Variants in POFUT3 observed in about 807,000 individuals in gnomAD.
The protein encoded by POFUT3 is GDP-fucose protein O-fucosyltransferase 3.
At chr8:33,392,629 A>G in the POFUT3 span, among the ~76,000 whole-genome samples, 1 of 152,058 alleles carries the variant, frequency 6.6e-6, no homozygotes, top group African/African-American at 2.4e-5. Flanking sequence ...TTGCCCTGCA[A>G]GCATCTCTCC....
At chr8:33,356,153 G>A in the POFUT3 span, among the ~76,000 whole-genome samples, 1 of 152,280 alleles carries the variant, frequency 6.6e-6, no homozygotes, top group East Asian at 1.9e-4. Flanking sequence ...TGTCTTTATA[G>A]CAGCATGATC....
chr8:33,389,886 G>T, the POFUT3 span: 2 of 894,276 alleles, frequency 2.2e-6, no homozygotes, highest in Non-Finnish European at 3.5e-6. Context: ...ATACAGAGGA[G>T]TCTGAGGCTA....
chr8:33,449,971 T>C, the POFUT3 span, among the ~76,000 whole-genome samples: 2 of 131,114 alleles, frequency 1.5e-5, no homozygotes, highest in Non-Finnish European at 3.1e-5. Flanking sequence ...AGGGTCTCAC[T>C]CTGCCTCCCA....
chr8:33,332,486 A>G, the POFUT3 span, among the ~76,000 whole-genome samples: 1 of 150,336 alleles, frequency 6.7e-6, no homozygotes, highest in Non-Finnish European at 1.5e-5. Flanking sequence ...CTCTGTCTGA[A>G]AGAAAAAAAA....
chr8:33,318,537 A>C, the POFUT3 span, among the ~76,000 whole-genome samples: 1 of 117,634 alleles, frequency 8.5e-6, no homozygotes, highest in Non-Finnish European at 1.6e-5. Flanking sequence ...TCATAATATA[A>C]TTAGCTATTT....
chr8:33,453,119 A>G, the POFUT3 span: 7 of 1,227,692 alleles, frequency 5.7e-6, no homozygotes, highest in South Asian at 9.5e-5. Context: ...AAGTGTTTTC[A>G]AGGGGAGCTC....
chr8:33,435,389 T>C, the POFUT3 span, among the ~76,000 whole-genome samples: 40 of 152,178 alleles, frequency 2.6e-4, no homozygotes, highest in South Asian at 6.2e-4. Flanking sequence ...GGCTAATTTT[T>C]GTATTTTTAG....
At chr8:33,372,926 C>T in the POFUT3 span, 7 of 836,760 alleles carry the variant, frequency 8.4e-6, no homozygotes, top group Admixed American at 5.6e-5. Context: ...GGAAAGAAAG[C>T]ATCTCACATA....
chr8:33,446,802 A>C, the POFUT3 span, among the ~76,000 whole-genome samples: 2 of 152,180 alleles, frequency 1.3e-5, no homozygotes, highest in Admixed American at 1.3e-4. Flanking sequence ...CGGTTCATTA[A>C]AGTTTTACTG....
the POFUT3 span, among the ~76,000 whole-genome samples, chr8:33,332,005 T>C: frequency 2.0e-5 from 3 of 151,086 alleles, no homozygotes; most frequent in Non-Finnish European, 2.9e-5. Flanking sequence ...TAAGCAGGCA[T>C]GGTGGCACAC....
the POFUT3 span, among the ~76,000 whole-genome samples, chr8:33,405,402 T>C: frequency 5.3e-5 from 8 of 152,090 alleles, no homozygotes; most frequent in African/African-American, 1.4e-4. Context: ...TTTTAATTAC[T>C]TACGATGGTA....
chr8:33,373,779 G>A, the POFUT3 span, among the ~76,000 whole-genome samples: 1 of 152,114 alleles, frequency 6.6e-6, no homozygotes, highest in Admixed American at 6.5e-5. Flanking sequence ...ATTAAAATGA[G>A]AGTAAAAGGA....
the POFUT3 span, chr8:33,372,309 C>T: frequency 7.1e-4 from 835 of 1,174,976 alleles, 7 homozygotes; most frequent in South Asian, 4.1e-3. Context: ...CCACAAAAGG[C>T]AGTAAGTATG....
At chr8:33,443,036 C>A in the POFUT3 span, among the ~76,000 whole-genome samples, 1 of 152,070 alleles carries the variant, frequency 6.6e-6, no homozygotes, top group Non-Finnish European at 1.5e-5. Flanking sequence ...TCAGTTGAGC[C>A]TGAGAGGCAG....
At chr8:33,380,509 C>G in the POFUT3 span, among the ~76,000 whole-genome samples, 1 of 151,268 alleles carries the variant, frequency 6.6e-6, no homozygotes, top group Non-Finnish European at 1.5e-5. Flanking sequence ...AATAATCTCC[C>G]ACTTGGAATT....
chr8:33,415,246 A>T, the POFUT3 span, among the ~76,000 whole-genome samples: 1 of 152,202 alleles, frequency 6.6e-6, no homozygotes, highest in Non-Finnish European at 1.5e-5. Context: ...TGTGCAACAC[A>T]GTGAGACTCT....
At chr8:33,443,639 C>A in the POFUT3 span, among the ~76,000 whole-genome samples, 2 of 152,078 alleles carry the variant, frequency 1.3e-5, no homozygotes, top group Non-Finnish European at 2.9e-5. Flanking sequence ...ACTACAGATG[C>A]CTGCCACCAT....
chr8:33,427,567 G>A, the POFUT3 span, among the ~76,000 whole-genome samples: 3 of 151,872 alleles, frequency 2.0e-5, no homozygotes, highest in South Asian at 2.1e-4. Flanking sequence ...CAACAAGAGC[G>A]AAACTCCGTC....
chr8:33,365,421 A>C, the POFUT3 span, among the ~76,000 whole-genome samples: 1 of 152,228 alleles, frequency 6.6e-6, no homozygotes, highest in Non-Finnish European at 1.5e-5. Flanking sequence ...AATCTAATTA[A>C]ACTAAAGAGC....
Sources: gnomAD v4.1 joint callset for allele counts (sites outside exome capture counted in the v4.1 genomes callset) on GRCh38, gnomAD v4.1.1 for gene constraint, MANE v1.5 for transcripts, NCBI Gene and HGNC (gene_info 2026-07-23, HGNC 2026-07-21) for gene names.